Variants in SLC8A2 observed in about 807,000 individuals in gnomAD.
The protein encoded by SLC8A2 is solute carrier family 8 member A2.
A neutral mutation model predicts 70.2 loss-of-function variants in SLC8A2; 14 were observed. The observed-to-expected ratio is 0.20, with a 90% CI of 0.13 to 0.31. SLC8A2 has a LOEUF of 0.31. Among genes scored for constraint, SLC8A2 ranks in the 10% least tolerant of loss-of-function variants. SLC8A2 has a pLI of 1.00. For missense variants in SLC8A2, 779 were observed against 1,320.1 expected (o/e 0.59, Z 6.35); for synonymous variants, 575 against 594.3 (o/e 0.97, Z 0.47).
At chr19:47,452,428 G>A (rs1568444486) in intron 3 of SLC8A2, among the ~76,000 whole-genome samples, 144 of 114,784 alleles carry the variant, frequency 1.3e-3, no homozygotes, top group Admixed American at 3.1e-3. Flanking sequence ...GAGAGAGAGA[G>A]AGAGAGAGAG....
intron 7 of SLC8A2, 63 bp from the exon 8 acceptor site, chr19:47,437,624 G>C: frequency 7.4e-7 from 1 of 1,359,840 alleles, no homozygotes; most frequent in Non-Finnish European, 1.1e-6. Context: ...GCTCCATGTT[G>C]GGTCCTGGGT....
At chr19:47,435,793 C>G (rs145057873) in intron 8 of SLC8A2, among the ~76,000 whole-genome samples, 3,514 of 152,190 alleles carry the variant, frequency 0.023, 144 homozygotes, top group African/African-American at 0.081. Flanking sequence ...GGTGATCCAC[C>G]TGCCTCGGCC....
Position 47,466,550 on chromosome 19 carries a change from G to A in SLC8A2, c.-16-131C>T. The A allele has an allele frequency of 1.8e-6, 1 of 556,100 alleles. No individual in the cohort carries two copies. Among genetic ancestry groups the A allele is most frequent in the Non-Finnish European group, 3.2e-6 (1 of 316,232 alleles). The allele number at this position is 556,100 out of a possible 1,614,324, so 34.4% of individuals were successfully genotyped here. On this transcript the variant is annotated intron_variant, in intron 1 of 9. Transcript: ENST00000236877. The surrounding 1 kb of genome is among the most constrained non-coding windows in gnomAD (Gnocchi z 6.9). The stretch of plus-strand genomic sequence containing the variant: ...CAATGCAGGCAGGATGGGGACTGAG[G>A]GCGACAGAGACACAGAGAGTGACAG...
chr19:47,438,862 G>GTCCCAAC (rs1037668088), intron 6 of SLC8A2, among the ~76,000 whole-genome samples: 1 of 152,084 alleles, frequency 6.6e-6, no homozygotes, highest in Non-Finnish European at 1.5e-5. Flanking sequence ...TCAAACCTCA[G>GTCCCAAC]TCCCAACTCC....
At chr19:47,445,033 C>T (rs1967143344) in intron 4 of SLC8A2, among the ~76,000 whole-genome samples, 1 of 151,630 alleles carries the variant, frequency 6.6e-6, no homozygotes, top group Non-Finnish European at 1.5e-5. Flanking sequence ...TTCAGTCTCC[C>T]TCCATCTCAG....
At chr19:47,455,161 G>A (rs1346918869) in intron 3 of SLC8A2, among the ~76,000 whole-genome samples, 2 of 152,120 alleles carry the variant, frequency 1.3e-5, no homozygotes, top group Non-Finnish European at 2.9e-5. Context: ...GGTGAGAGGA[G>A]AGGAGAGAAG....
chr19:47,463,286 C>A (rs1967419317), intron 2 of SLC8A2, among the ~76,000 whole-genome samples: 1 of 146,864 alleles, frequency 6.8e-6, no homozygotes, highest in South Asian at 2.2e-4. Context: ...GCGCCCGCCA[C>A]CACGCCCGGC....
intron 8 of SLC8A2, among the ~76,000 whole-genome samples, chr19:47,435,192 T>C (rs1967010719): frequency 2.0e-5 from 3 of 151,848 alleles, no homozygotes; most frequent in Admixed American, 2.0e-4. Flanking sequence ...CACTCCAGCC[T>C]GGATGACAGA....
intron 6 of SLC8A2, 144 bp from the exon 7 acceptor site, chr19:47,438,117 C>T (rs1967054628): frequency 1.1e-6 from 1 of 937,590 alleles, no homozygotes; most frequent in Non-Finnish European, 1.6e-6. Context: ...CAGCCTCCCA[C>T]CTGACCACCG....
At chr19:47,452,641 G>C (rs1432403790) in intron 3 of SLC8A2, among the ~76,000 whole-genome samples, 1 of 152,050 alleles carries the variant, frequency 6.6e-6, no homozygotes, top group Non-Finnish European at 1.5e-5. Flanking sequence ...TAGAAGGCTA[G>C]ATTCACAGGA....
intron 4 of SLC8A2, among the ~76,000 whole-genome samples, chr19:47,443,072 T>G (rs1276154317): frequency 2.0e-5 from 3 of 152,182 alleles, no homozygotes; most frequent in Non-Finnish European, 4.4e-5. Context: ...ATCTTTAAAT[T>G]TAAGTTCCCC....
At chr19:47,451,371 C>T (rs990811341) in intron 3 of SLC8A2, among the ~76,000 whole-genome samples, 5 of 152,030 alleles carry the variant, frequency 3.3e-5, no homozygotes, top group Non-Finnish European at 4.4e-5. Context: ...TGCAGTTGCA[C>T]AATCCCAGCT....
chr19:47,448,367 G>A lies in SLC8A2; in HGVS notation c.1341-136C>T. On this transcript the variant is annotated intron_variant, in intron 3 of 9. Transcript: ENST00000236877. This position sits in a 1 kb window ranked among gnomAD's most constrained non-coding sequence, Gnocchi z 4.8. ...GAACTCCCAAGTATGAGGGTCGACAGGCATTAAACAAGTAATACTGAGGGT... is the reference window on the plus strand; with the variant it reads ...GAACTCCCAAGTATGAGGGTCGACAAGCATTAAACAAGTAATACTGAGGGT... The A allele has an allele frequency of 1.5e-6, 1 of 654,060 alleles. No homozygotes were observed. The highest frequency in any genetic ancestry group is 2.6e-6 in the Non-Finnish European group (1 of 385,578). 40.5% of individuals were successfully genotyped at this position (654,060 alleles called of 1,614,324 possible).
chr19:47,469,985 C>G (rs892128393), intron 1 of SLC8A2, among the ~76,000 whole-genome samples: 1 of 152,182 alleles, frequency 6.6e-6, no homozygotes, highest in Non-Finnish European at 1.5e-5. Context: ...CAGGTAAGAC[C>G]CGTCCTTCAT....
rs575081492 is a variant in SLC8A2 at position 47,429,391 on chromosome 19, G to A, written c.*698C>T. 6.5e-6 allele frequency: 1 copy of A among 153,162 alleles called. No homozygotes were observed. The highest frequency in any genetic ancestry group is 2.1e-4 in the South Asian group (1 of 4,836). The allele number at this position is 153,162 out of a possible 1,614,324, so 9.5% of individuals were successfully genotyped here. A position where few individuals can be genotyped will look rare whatever the true frequency, so the allele number is the denominator to read the frequency against. On this transcript the variant is annotated 3_prime_UTR_variant, in exon 10 of 10. Transcript: ENST00000236877. ...TGGGGGAGCTGGAATGTCTGAAGTTGCAGGTTCAAAATGTGCTTCCTCCGG... is the reference window on the plus strand; with the variant it reads ...TGGGGGAGCTGGAATGTCTGAAGTTACAGGTTCAAAATGTGCTTCCTCCGG...
At chr19:47,443,348 A>G (rs4802366) in intron 4 of SLC8A2, among the ~76,000 whole-genome samples, 118,434 of 152,016 alleles carry the variant, frequency 0.78, 46,881 homozygotes, top group Middle Eastern at 0.89. Flanking sequence ...CATAATCCAC[A>G]CCCCTCGACC....
At chr19:47,444,650 C>T (rs191822943) in intron 4 of SLC8A2, among the ~76,000 whole-genome samples, 87 of 152,314 alleles carry the variant, frequency 5.7e-4, no homozygotes, top group Non-Finnish European at 1.1e-3. Context: ...TGCTGCGATC[C>T]GCTGACACAC....
intron 2 of SLC8A2, among the ~76,000 whole-genome samples, chr19:47,459,564 GTA>G (rs200417445): frequency 0.013 from 2,043 of 151,982 alleles, 21 homozygotes; most frequent in Non-Finnish European, 0.019. Flanking sequence ...ATGTGCATGT[GTA>G]TATGTGTATG....
intron 4 of SLC8A2, among the ~76,000 whole-genome samples, chr19:47,446,132 G>A (rs2122628431): frequency 1.3e-5 from 2 of 152,302 alleles, no homozygotes; most frequent in South Asian, 4.1e-4. Flanking sequence ...CGAGGCGGAA[G>A]CGCAGAGGCT....
Sources: gnomAD v4.1 joint callset for allele counts (sites outside exome capture counted in the v4.1 genomes callset) on GRCh38, gnomAD v4.1.1 for gene constraint, Gnocchi (gnomAD v3.1) non-coding constraint, MANE v1.5 for transcripts, NCBI Gene and HGNC (gene_info 2026-07-23, HGNC 2026-07-21) for gene names.